The following L2HGDH variants were observed in gnomAD, a reference collection of about 807,000 sequenced individuals.
L2HGDH encodes the protein L-2-hydroxyglutarate dehydrogenase.
In L2HGDH, 34 loss-of-function variants were observed where a neutral mutation model predicts 51.5. The observed-to-expected ratio is 0.66, with a 90% CI of 0.50 to 0.88. L2HGDH has a LOEUF of 0.88. L2HGDH is among the 40% of genes least tolerant of loss of function. The pLI, the probability that L2HGDH is intolerant of heterozygous loss-of-function variation, is 0.00. For synonymous variants in L2HGDH, 198 were observed against 197.9 expected, an observed-to-expected ratio of 1.00 and a Z score of -0.01; for missense variants, 558 against 571.9, an observed-to-expected ratio of 0.98 and a Z score of 0.25.
chr14:50,267,942 A>G (rs773175692), intron 7 of L2HGDH, 32 bp from the exon 8 acceptor site: 1 of 1,599,454 alleles, frequency 6.3e-7, no homozygotes, highest in Non-Finnish European at 8.6e-7. Flanking sequence ...TAACAGCCTC[A>G]TTTCACATTC....
At chr14:50,308,365 C>A (rs1434077150) in intron 1 of L2HGDH, among the ~76,000 whole-genome samples, 1 of 137,008 alleles carries the variant, frequency 7.3e-6, no homozygotes, top group Non-Finnish European at 1.5e-5. Flanking sequence ...CCAGCCTGGG[C>A]AACAAGGCGA....
At position 50,291,119 on chromosome 14, in the gene L2HGDH, C is replaced by T. The variant is rs115944851; in HGVS notation, c.540+2996G>A. The stretch of plus-strand genomic sequence containing the variant: ...AGCCTGAGGCAGGAGAATCGCTGAA[C>T]CCAGGGAGACGGAGGTTGCAGTGAG... On this transcript the variant is annotated intron_variant, in intron 4 of 9. Transcript: ENST00000267436. Among the ~76,000 whole-genome samples, 1,230 of 142,136 alleles carry T rather than the reference C, an allele frequency of 8.7e-3. 18 individuals carry two copies. Among genetic ancestry groups the T allele is most frequent in the African/African-American group, 0.032 (1,190 of 36,986 alleles). The allele number at this position is 142,136 out of a possible 152,430, so 93.2% of individuals were successfully genotyped here.
At chr14:50,276,246 T>C (rs968273929) in intron 6 of L2HGDH, among the ~76,000 whole-genome samples, 23 of 152,148 alleles carry the variant, frequency 1.5e-4, no homozygotes, top group African/African-American at 5.6e-4. Context: ...ACCACCAAAC[T>C]AGAAACCATG....
intron 3 of L2HGDH, among the ~76,000 whole-genome samples, chr14:50,299,020 A>T (rs1595140577): frequency 6.6e-6 from 1 of 152,100 alleles, no homozygotes; most frequent in Non-Finnish European, 1.5e-5. Context: ...CAAAGAAAAC[A>T]ATACAAAAGA....
intron 5 of L2HGDH, among the ~76,000 whole-genome samples, chr14:50,282,276 C>T: frequency 6.6e-6 from 1 of 152,100 alleles, no homozygotes; most frequent in East Asian, 1.9e-4. Context: ...GCCCCAATAT[C>T]AATAGTGTCA....
At chr14:50,275,644 T>C (rs531288060) in intron 6 of L2HGDH, among the ~76,000 whole-genome samples, 2 of 152,290 alleles carry the variant, frequency 1.3e-5, no homozygotes, top group Non-Finnish European at 1.5e-5. Flanking sequence ...TGACAGAAAC[T>C]GGAATGGGCT....
intron 1 of L2HGDH, among the ~76,000 whole-genome samples, chr14:50,310,931 CTTTTCTTTT>C: frequency 8.1e-6 from 1 of 123,236 alleles, no homozygotes; most frequent in East Asian, 2.5e-4. Context: ...TTTTTCTTTT[CTTTTCTTTT>C]TTTTTTTTTT....
intron 3 of L2HGDH, among the ~76,000 whole-genome samples, chr14:50,300,595 G>A (rs139217975): frequency 3.9e-5 from 6 of 151,980 alleles, no homozygotes; most frequent in South Asian, 2.1e-4. Context: ...CACCCTGCCC[G>A]GCCCATAACG....
chr14:50,302,410 C>T (rs2030464105), intron 2 of L2HGDH, among the ~76,000 whole-genome samples: 1 of 152,166 alleles, frequency 6.6e-6, no homozygotes, highest in Non-Finnish European at 1.5e-5. Context: ...ACCAGCAAAC[C>T]ACTTCAGGGG....
At chr14:50,282,205 A>G (rs1206872188) in intron 5 of L2HGDH, among the ~76,000 whole-genome samples, 1 of 152,178 alleles carries the variant, frequency 6.6e-6, no homozygotes, top group African/African-American at 2.4e-5. Context: ...GACAGAAGCC[A>G]GGGATACTAC....
rs985726379 is a variant in L2HGDH, at chr14:50,243,295, C to G, written c.*3763G>C. 6 of 985,242 alleles carry G rather than the reference C, an allele frequency of 6.1e-6. No individual in the cohort carries two copies. Among genetic ancestry groups the G allele is most frequent in the Non-Finnish European group, 7.2e-6 (6 of 829,830 alleles). The allele number at this position is 985,242 out of a possible 1,614,324, so 61.0% of individuals were successfully genotyped here. A position where few individuals can be genotyped will look rare whatever the true frequency, so the allele number is the denominator to read the frequency against. On this transcript the variant is annotated 3_prime_UTR_variant, in exon 10 of 10. Transcript: ENST00000267436. ...CTCTGAAGTTAAAATCTAAAATGCT[C>G]CACTTTTTACCCAAAATATAAATGA...
At chr14:50,265,033 AG>A (rs1481031030) in intron 9 of L2HGDH, among the ~76,000 whole-genome samples, 1 of 152,242 alleles carries the variant, frequency 6.6e-6, no homozygotes, top group African/African-American at 2.4e-5. Context: ...TTAAAAATTC[AG>A]GCAAGTTGTT....
chr14:50,269,139 G>A (rs1284025583), intron 7 of L2HGDH, 24 bp downstream of exon 7: 3 of 1,565,120 alleles, frequency 1.9e-6, no homozygotes, highest in African/African-American at 1.3e-5. Context: ...AAAAAAATGA[G>A]AAGTAGGAAG....
At position 50,243,262 on chromosome 14, in the gene L2HGDH, CACAA is replaced by C; in HGVS notation, c.*3792_*3795del. ...ACTTGCTGGTACATCAAGAGTTCCT[CACAA>C]ACACTCTGAAGTTAAAATCTAAAAT... On this transcript the variant is annotated 3_prime_UTR_variant, in exon 10 of 10. Transcript: ENST00000267436. 3 of 985,372 alleles carry C rather than the reference CACAA, an allele frequency of 3.0e-6. No individual in the cohort carries two copies. The South Asian group carries it at 1.4e-4, about 46-fold the overall frequency. The allele number at this position is 985,372 out of a possible 1,614,324, so 61.0% of individuals were successfully genotyped here. A position where few individuals can be genotyped will look rare whatever the true frequency, so the allele number is the denominator to read the frequency against.
chr14:50,302,622 G>A (rs139281617), intron 2 of L2HGDH, among the ~76,000 whole-genome samples: 54 of 152,306 alleles, frequency 3.5e-4, no homozygotes, highest in African/African-American at 1.3e-3. Flanking sequence ...ATCTTGATGT[G>A]TTCTCATGTC....
At chr14:50,300,224 T>C (rs1052678904) in intron 3 of L2HGDH, among the ~76,000 whole-genome samples, 3 of 152,128 alleles carry the variant, frequency 2.0e-5, no homozygotes, top group Non-Finnish European at 4.4e-5. Flanking sequence ...GATTTAAGTG[T>C]TTGCATCATA....
chr14:50,264,113 C>G (rs1889201905), intron 9 of L2HGDH, among the ~76,000 whole-genome samples: 2 of 151,288 alleles, frequency 1.3e-5, no homozygotes, highest in African/African-American at 4.8e-5. Flanking sequence ...GGTGCAGTGG[C>G]TCACGCCTGT....
chr14:50,303,882 G>A (rs2030575634), intron 1 of L2HGDH, among the ~76,000 whole-genome samples: 1 of 148,364 alleles, frequency 6.7e-6, no homozygotes, highest in Admixed American at 6.7e-5. Context: ...ACAGCTTACT[G>A]GCAGGCAGGA....
At chr14:50,307,110 C>T (rs1333769872) in intron 1 of L2HGDH, among the ~76,000 whole-genome samples, 2 of 152,028 alleles carry the variant, frequency 1.3e-5, no homozygotes, top group African/African-American at 4.8e-5. Context: ...GCCACTGCGC[C>T]TGGCCCCTTG....
Sources: allele counts gnomAD v4.1 joint callset (sites outside exome capture counted in the v4.1 genomes callset), GRCh38; gene constraint gnomAD v4.1.1; transcripts MANE v1.5; gene names NCBI Gene and HGNC (gene_info 2026-07-23, HGNC 2026-07-21).